The following DMD variants were observed in gnomAD, a reference collection of about 807,000 sequenced individuals.
DMD encodes mutant dystrophin.
A neutral mutation model predicts 330.1 loss-of-function variants in DMD; 63 were observed. That is an observed-to-expected ratio of 0.19 (90% CI 0.16 to 0.24). DMD has a LOEUF of 0.24. Ranked by LOEUF, DMD falls within the 10% of genes least tolerant of loss-of-function variation. DMD has a pLI of 1.00. For synonymous variants in DMD, 1,223 were observed against 959.8 expected (o/e 1.27, Z -5.07); for missense variants, 3,344 against 2,684.1 (o/e 1.25, Z -5.43).
intron 66 of DMD, among the ~76,000 whole-genome samples, chrX:31,206,098 T>C: frequency 8.9e-6 from 1 of 112,647 alleles, no homozygotes; most frequent in Non-Finnish European, 1.9e-5. Flanking sequence ...GCTATCTGTC[T>C]CTCAAATAAT....
chrX:33,146,270 C>T (rs1479396681), intron 1 of DMD, among the ~76,000 whole-genome samples: 1 of 110,917 alleles, frequency 9.0e-6, no homozygotes. Context: ...GAATCACTCT[C>T]CTTTCTCCAC....
At chrX:32,158,552 AT>A (rs1188328832) in intron 44 of DMD, among the ~76,000 whole-genome samples, 1 of 111,726 alleles carries the variant, frequency 9.0e-6, no homozygotes, top group Admixed American at 9.5e-5. Flanking sequence ...TGTAGCAAAT[AT>A]CAGTGGAAAA....
chrX:32,287,536 G>C lies in DMD; in HGVS notation c.6283C>G (p.Arg2095Gly). ...WEKVNKMYKD[R>G]QGRFDRSVEK... Reference sequence around the variant, plus strand: ...AATATATGTGTTACCTACCCTTGTCGGTCCTTGTACATTTTGTTAACTTTT... The same window carrying C: ...AATATATGTGTTACCTACCCTTGTCCGTCCTTGTACATTTTGTTAACTTTT... The change falls in exon 43 of 79, where the codon CGA (arginine) becomes GGA (glycine). Residue 2095 changes from arginine to glycine, a missense_variant. Coordinates refer to ENST00000357033, the MANE Select transcript of DMD (RefSeq NM_004006.3). 1 of 1,209,315 alleles carries C rather than the reference G, an allele frequency of 8.3e-7. No homozygotes were observed. Among genetic ancestry groups the C allele is most frequent in the African/African-American group, 1.7e-5 (1 of 57,499 alleles).
chrX:31,323,975 C>CA (rs1556504678), intron 61 of DMD, among the ~76,000 whole-genome samples: 1 of 109,931 alleles, frequency 9.1e-6, no homozygotes, highest in Non-Finnish European at 1.9e-5. Flanking sequence ...CCCTTGAGTG[C>CA]TTTTTTTTAT....
chrX:31,879,180 A>C (rs750885046), intron 47 of DMD, among the ~76,000 whole-genome samples: 79 of 88,303 alleles, frequency 8.9e-4, no homozygotes, highest in Non-Finnish European at 1.4e-3. Flanking sequence ...TAAAGGAAAG[A>C]GGTTTAATGG....
chrX:32,635,966 C>T (rs755335844), intron 11 of DMD, among the ~76,000 whole-genome samples: 2 of 111,947 alleles, frequency 1.8e-5, no homozygotes, highest in South Asian at 7.5e-4. Context: ...AGTTTACCTA[C>T]TTGCCTCAGT....
intron 59 of DMD, among the ~76,000 whole-genome samples, chrX:31,461,846 C>G (rs2066547954): frequency 9.0e-6 from 1 of 111,618 alleles, no homozygotes; most frequent in Admixed American, 9.5e-5. Context: ...GGGCATCCAT[C>G]CTTCAGCTGC....
intron 17 of DMD, among the ~76,000 whole-genome samples, chrX:32,541,278 CA>C (rs1336414153): frequency 1.8e-5 from 2 of 111,082 alleles, no homozygotes; most frequent in Non-Finnish European, 3.8e-5. Flanking sequence ...CCACCACCAT[CA>C]TCATCATCTC....
rs780454571 is a variant in DMD, at chrX:32,468,687, C to T, written c.2973G>A (p.Glu991=). 1.7e-6 allele frequency: 2 copies of T among 1,210,594 alleles called. No homozygotes were observed. The highest frequency in any genetic ancestry group is 5.9e-5 in the East Asian group (2 of 33,785). Residue 991 remains glutamate, a synonymous_variant, in exon 23 of 79, where the codon GAG becomes GAA. Coordinates refer to ENST00000357033, the MANE Select transcript of DMD (RefSeq NM_004006.3). The stretch of plus-strand genomic sequence containing the variant: ...TGAGATAGTATAGGCCACTTTGTTG[C>T]TCTTGCAGAGAACTTTGTAAAGCCT... The part of the protein sequence containing the change: ...ELQALQSSLQ[E]QQSGLYYLST...
intron 65 of DMD, among the ~76,000 whole-genome samples, chrX:31,206,944 A>G (rs1413917561): frequency 2.5e-5 from 2 of 81,123 alleles, no homozygotes; most frequent in East Asian, 7.6e-4. Flanking sequence ...TTGAACTGCA[A>G]AAGTTCTACA....
chrX:31,669,646 C>T (rs1251722849), intron 53 of DMD, among the ~76,000 whole-genome samples: 1 of 111,520 alleles, frequency 9.0e-6, no homozygotes, highest in East Asian at 2.8e-4. Context: ...TACTTTTGAA[C>T]TTTCAATTCT....
intron 2 of DMD, among the ~76,000 whole-genome samples, chrX:32,893,218 T>G (rs747029419): frequency 1.8e-5 from 2 of 112,276 alleles, no homozygotes; most frequent in East Asian, 5.6e-4. Flanking sequence ...TGGTTTCGCC[T>G]ACTTATTTGG....
At chrX:31,452,829 C>T (rs1331155262) in intron 59 of DMD, among the ~76,000 whole-genome samples, 1 of 111,601 alleles carries the variant, frequency 9.0e-6, no homozygotes, top group Non-Finnish European at 1.9e-5. Flanking sequence ...ACATTTCCTT[C>T]ATGTATAAAA....
chrX:33,069,116 C>A (rs778438885), intron 1 of DMD, among the ~76,000 whole-genome samples: 1 of 111,717 alleles, frequency 9.0e-6, no homozygotes, highest in African/African-American at 3.2e-5. Context: ...CTAATAAAAA[C>A]GTTGGTGCTA....
At chrX:32,573,454 T>G in intron 15 of DMD, 76 bp downstream of exon 15, 4 of 785,809 alleles carry the variant, frequency 5.1e-6, no homozygotes, top group Non-Finnish European at 7.8e-6. Context: ...TTCAATAGCA[T>G]AGAAGAGACT....
At chrX:33,213,651 T>A (rs2051997731), upstream of DMD, among the ~76,000 whole-genome samples, 1 of 111,876 alleles carries the variant, frequency 8.9e-6, no homozygotes, top group Non-Finnish European at 1.9e-5. Context: ...TTTAACTTGT[T>A]ATTTTCAAAT....
At chrX:32,041,933 G>C (rs1296494322) in intron 44 of DMD, among the ~76,000 whole-genome samples, 1 of 101,826 alleles carries the variant, frequency 9.8e-6, no homozygotes, top group Non-Finnish European at 2.0e-5. Context: ...CCTGTACTTG[G>C]AGCTAGTTTT....
chrX:33,281,937 T>C (rs1002270787), intron 1 of DMD, among the ~76,000 whole-genome samples: 3 of 108,730 alleles, frequency 2.8e-5, no homozygotes, highest in African/African-American at 6.7e-5. Flanking sequence ...GTTTCTTAGA[T>C]CTATAGAGAT....
Position 32,076,052 on chromosome X carries a change from C to CAAAAAAAAA in DMD, c.6439-107547_6439-107539dup, listed in dbSNP as rs59686294. 1.1e-4 allele frequency among the ~76,000 whole-genome samples: 2 copies of CAAAAAAAAA among 18,758 alleles called. 1 individual carries two copies. Among genetic ancestry groups the CAAAAAAAAA allele is most frequent in the Non-Finnish European group, 2.0e-4 (2 of 10,232 alleles). The allele number at this position is 18,758 out of a possible 115,157, so 16.3% of individuals were successfully genotyped here. On this transcript the variant is annotated intron_variant, in intron 44 of 78. Transcript: ENST00000357033. Reference sequence around the variant, plus strand: ...TGGGTGACAGAACGAGACTCTGTCTCAAAAAAAAAAAAAAAAAAAAAAAAA... The same window carrying CAAAAAAAAA: ...TGGGTGACAGAACGAGACTCTGTCTCAAAAAAAAAAAAAAAAAAAAAAAAAAAAAAAAAA...
Sources: gnomAD v4.1 joint callset for allele counts (sites outside exome capture counted in the v4.1 genomes callset) on GRCh38, gnomAD v4.1.1 for gene constraint, MANE v1.5 for transcripts, NCBI Gene and HGNC (gene_info 2026-07-23, HGNC 2026-07-21) for gene names.